The following PPP1R3A variants were observed in gnomAD, a reference collection of about 807,000 sequenced individuals.
PPP1R3A encodes protein phosphatase 1 regulatory subunit 3A.
A neutral mutation model predicts 41.7 loss-of-function variants in PPP1R3A; 29 were observed. The ratio of observed to expected loss-of-function variants is 0.70; its 90% CI spans 0.52 to 0.95. The LOEUF (loss-of-function observed/expected upper bound fraction) is 0.95. PPP1R3A is among the 40% of genes least tolerant of loss of function. PPP1R3A has a pLI of 0.00. For synonymous variants in PPP1R3A, 485 were observed against 453.4 expected, an observed-to-expected ratio of 1.07 and a Z score of -0.89; for missense variants, 1,352 against 1,292.4, an observed-to-expected ratio of 1.05 and a Z score of -0.71.
At chr7:113,902,957 C>T (rs1435470153) in intron 1 of PPP1R3A, among the ~76,000 whole-genome samples, 1 of 151,694 alleles carries the variant, frequency 6.6e-6, no homozygotes, top group African/African-American at 2.4e-5. Flanking sequence ...TCATTTCTTC[C>T]AGTCACTGAT....
chr7:113,903,879 C>T (rs1797103970), intron 1 of PPP1R3A, among the ~76,000 whole-genome samples: 3 of 151,662 alleles, frequency 2.0e-5, no homozygotes, highest in Admixed American at 1.3e-4. Context: ...GTGCATTCAT[C>T]TCCATAAGTA....
At chr7:113,896,753 C>A (rs1796981902) in intron 1 of PPP1R3A, among the ~76,000 whole-genome samples, 1 of 151,680 alleles carries the variant, frequency 6.6e-6, no homozygotes, top group Non-Finnish European at 1.5e-5. Context: ...CAGATGTAAG[C>A]CACTCAATGT....
At chr7:113,907,323 T>C (rs1275616377) in intron 1 of PPP1R3A, among the ~76,000 whole-genome samples, 1 of 151,748 alleles carries the variant, frequency 6.6e-6, no homozygotes, top group African/African-American at 2.4e-5. Flanking sequence ...CACTACTTTA[T>C]TGAGATTTAA....
chr7:113,881,985 T>C, intron 3 of PPP1R3A, 54 bp downstream of exon 3: 1 of 1,603,382 alleles, frequency 6.2e-7, no homozygotes, highest in Admixed American at 1.7e-5. Context: ...TGCAGCATCT[T>C]TGAAGCAGAA....
At chr7:113,888,163 A>C (rs193021409) in intron 1 of PPP1R3A, among the ~76,000 whole-genome samples, 2 of 152,304 alleles carry the variant, frequency 1.3e-5, no homozygotes, top group Non-Finnish European at 2.9e-5. Flanking sequence ...TAAAGGGCTT[A>C]GCATAGCTGG....
At chr7:113,912,512 T>G (rs563741479) in intron 1 of PPP1R3A, among the ~76,000 whole-genome samples, 1 of 152,216 alleles carries the variant, frequency 6.6e-6, no homozygotes, top group South Asian at 2.1e-4. Context: ...TTTTTAAGTT[T>G]GATAGGGCCC....
intron 1 of PPP1R3A, among the ~76,000 whole-genome samples, chr7:113,913,415 T>G (rs1797284641): frequency 6.6e-6 from 1 of 152,164 alleles, no homozygotes; most frequent in Non-Finnish European, 1.5e-5. Flanking sequence ...CTTAAAATTA[T>G]GTTTTAGAAA....
At chr7:113,901,195 T>A (rs1272346348) in intron 1 of PPP1R3A, among the ~76,000 whole-genome samples, 1 of 151,724 alleles carries the variant, frequency 6.6e-6, no homozygotes, top group African/African-American at 2.4e-5. Flanking sequence ...CTGTGGGTAG[T>A]GACTTATTTC....
chr7:113,891,240 A>G (rs969138626), intron 1 of PPP1R3A, among the ~76,000 whole-genome samples: 3 of 152,000 alleles, frequency 2.0e-5, no homozygotes, highest in African/African-American at 4.8e-5. Context: ...AATCTTGCCT[A>G]CTCCTAACAC....
At chr7:113,889,653 G>C (rs1048850707) in intron 1 of PPP1R3A, among the ~76,000 whole-genome samples, 1 of 152,052 alleles carries the variant, frequency 6.6e-6, no homozygotes, top group African/African-American at 2.4e-5. Flanking sequence ...AATTTTATGT[G>C]ACGACTTCTA....
At position 113,878,499 on chromosome 7, in the gene PPP1R3A, GT is replaced by G; in HGVS notation, c.2592del (p.Leu864PhefsTer71). ...EYQKATSKLD[L>X]QLGMLPTDKT... Reference sequence around the variant, plus strand: ...TTGTCTGTTGGTAACATTCCCAACTGTAAATCCAGTTTTGAAGTTGCTTTTT... The same window carrying G: ...TTGTCTGTTGGTAACATTCCCAACTGAAATCCAGTTTTGAAGTTGCTTTTT... On this transcript the variant is annotated frameshift_variant, in exon 4 of 4. Coordinates refer to ENST00000284601, the MANE Select transcript of PPP1R3A (RefSeq NM_002711.4). LOFTEE classifies it low-confidence loss of function (END_TRUNC). 1 of 1,613,302 alleles carries G rather than the reference GT, an allele frequency of 6.2e-7. No homozygotes were observed. The highest frequency in any genetic ancestry group is 8.5e-7 in the Non-Finnish European group (1 of 1,179,634).
chr7:113,913,043 C>T (rs1797277776), intron 1 of PPP1R3A, among the ~76,000 whole-genome samples: 1 of 152,228 alleles, frequency 6.6e-6, no homozygotes, highest in South Asian at 2.1e-4. Context: ...ACCTCGCTGT[C>T]AACCAGCTGG....
chr7:113,884,436 G>C (rs571752654), intron 1 of PPP1R3A, among the ~76,000 whole-genome samples: 7 of 152,120 alleles, frequency 4.6e-5, no homozygotes, highest in Non-Finnish European at 7.4e-5. Context: ...AGACAAGATT[G>C]AGAGCTTAGA....
intron 1 of PPP1R3A, among the ~76,000 whole-genome samples, chr7:113,905,916 T>C (rs1797138374): frequency 1.3e-5 from 2 of 151,960 alleles, no homozygotes; most frequent in South Asian, 4.1e-4. Flanking sequence ...ATTGGATGTT[T>C]CTTGTTCTGG....
At chr7:113,917,829 A>G (rs1386768389) in intron 1 of PPP1R3A, among the ~76,000 whole-genome samples, 1 of 152,120 alleles carries the variant, frequency 6.6e-6, no homozygotes, top group Non-Finnish European at 1.5e-5. Flanking sequence ...GTTAATCAAA[A>G]CTGTTTCAAA....
At chr7:113,890,173 G>A (rs1796855889) in intron 1 of PPP1R3A, among the ~76,000 whole-genome samples, 1 of 152,096 alleles carries the variant, frequency 6.6e-6, no homozygotes, top group African/African-American at 2.4e-5. Context: ...CCAGCCAATT[G>A]GTAGTCAACT....
At position 113,882,255 on chromosome 7, in the gene PPP1R3A, A is replaced by G; in HGVS notation, c.841+7T>C. The G allele has an allele frequency of 6.6e-7, 1 of 1,521,542 alleles. No homozygotes were observed. Among genetic ancestry groups the G allele is most frequent in the Non-Finnish European group, 9.1e-7 (1 of 1,097,468 alleles). 94.3% of individuals were successfully genotyped at this position (1,521,542 alleles called of 1,614,324 possible). On this transcript the variant is annotated splice_region_variant and intron_variant, in intron 2 of 3. Transcript: ENST00000284601. Reference sequence around the variant, plus strand: ...AATTTGGTTTTAAAATTAATGAAGAATATTACCTGTATTCTTTGGATTCTC... The same window carrying G: ...AATTTGGTTTTAAAATTAATGAAGAGTATTACCTGTATTCTTTGGATTCTC...
rs182910191 is a variant in PPP1R3A at position 113,900,691 on chromosome 7, T to G, written c.782+17524A>C. Among the ~76,000 whole-genome samples the G allele has an allele frequency of 2.8e-3, 414 of 148,498 alleles. 2 individuals are homozygous for G. Among genetic ancestry groups the G allele is most frequent in the African/African-American group, 9.7e-3 (396 of 40,862 alleles). On this transcript the variant is annotated intron_variant, in intron 1 of 3. Coordinates refer to ENST00000284601, the MANE Select transcript of PPP1R3A (RefSeq NM_002711.4). ...ATATAGCACTTTATATGTGTATATATAGTGATTTATATATATACAGTGCTA... is the reference window on the plus strand; with the variant it reads ...ATATAGCACTTTATATGTGTATATAGAGTGATTTATATATATACAGTGCTA...
chr7:113,896,544 C>T (rs1167185164), intron 1 of PPP1R3A, among the ~76,000 whole-genome samples: 3 of 151,838 alleles, frequency 2.0e-5, no homozygotes, highest in Non-Finnish European at 2.9e-5. Context: ...GTGAAGAAAG[C>T]ACTTGTTTTT....
Sources: gnomAD v4.1 joint callset for allele counts (sites outside exome capture counted in the v4.1 genomes callset) on GRCh38, gnomAD v4.1.1 for gene constraint, MANE v1.5 for transcripts, NCBI Gene and HGNC (gene_info 2026-07-23, HGNC 2026-07-21) for gene names.